The following TRPM7 variants were observed in gnomAD, a reference collection of about 807,000 sequenced individuals.
The protein encoded by TRPM7 is transient receptor potential cation channel subfamily M member 7.
Under a neutral mutation model 229.7 loss-of-function variants are expected in TRPM7, and 134 were observed. That is an observed-to-expected ratio of 0.58 (90% CI 0.51 to 0.67). The LOEUF is 0.67. Among genes scored for constraint, TRPM7 ranks in the 30% least tolerant of loss-of-function variants. The pLI, the probability that TRPM7 is intolerant of heterozygous loss-of-function variation, is 0.00. For missense variants in TRPM7, 1,901 were observed against 2,210.0 expected (o/e 0.86, Z 2.80); for synonymous variants, 699 against 715.2 (o/e 0.98, Z 0.36).
intron 2 of TRPM7, among the ~76,000 whole-genome samples, chr15:50,659,052 G>C (rs1326681760): frequency 6.6e-6 from 1 of 152,114 alleles, no homozygotes; most frequent in Non-Finnish European, 1.5e-5. Context: ...CAAAAAATTA[G>C]CCAGATGTGG....
intron 36 of TRPM7, among the ~76,000 whole-genome samples, chr15:50,573,986 G>A (rs540755913): frequency 6.6e-6 from 1 of 151,784 alleles, no homozygotes; most frequent in Admixed American, 6.6e-5. Flanking sequence ...GAATCCGGGA[G>A]GCGGAAGTTG....
chr15:50,617,817 G>A (rs1031812996), intron 13 of TRPM7, among the ~76,000 whole-genome samples: 8 of 151,458 alleles, frequency 5.3e-5, no homozygotes, highest in South Asian at 2.1e-4. Context: ...ACAACATGCC[G>A]GGCTAATTTT....
chr15:50,568,403 T>A (rs1057377589), intron 38 of TRPM7, among the ~76,000 whole-genome samples: 4 of 151,798 alleles, frequency 2.6e-5, no homozygotes, highest in African/African-American at 9.7e-5. Context: ...AAAAAGCTCC[T>A]AAAAAAGAGT....
rs966764866 is a variant in TRPM7 at position 50,570,223 on chromosome 15, C to T, written c.5309-68G>A. Reference sequence around the variant, plus strand: ...TAATTGACATAAATACTGACATCTGCATAATAAAAATCATCTTAAGAGATG... The same window carrying T: ...TAATTGACATAAATACTGACATCTGTATAATAAAAATCATCTTAAGAGATG... On this transcript the variant is annotated intron_variant, in intron 36 of 38. Transcript: ENST00000646667. 5 of 1,134,380 alleles carry T rather than the reference C, an allele frequency of 4.4e-6. No individual in the cohort carries two copies. In the African/African-American group the frequency reaches 7.9e-5, roughly 18 times the overall value. The allele number at this position is 1,134,380 out of a possible 1,614,324, so 70.3% of individuals were successfully genotyped here.
chr15:50,640,165 A>AAC lies in TRPM7; in HGVS notation c.536-619_536-618dup, dbSNP rs201043701. ...ATCGGTGGCACAGGACCATACGCAA[A>AAC]ACACACACACACACAATAAACAATG... On this transcript the variant is annotated intron_variant, in intron 5 of 38. Transcript: ENST00000646667. Among the ~76,000 whole-genome samples, 226 of 151,990 alleles carry AAC rather than the reference A, an allele frequency of 1.5e-3. 4 individuals are homozygous for AAC. In the South Asian group the frequency reaches 0.022, roughly 15 times the overall value.
At chr15:50,645,053 C>T (rs1172855261) in intron 4 of TRPM7, among the ~76,000 whole-genome samples, 1 of 151,922 alleles carries the variant, frequency 6.6e-6, no homozygotes, top group Non-Finnish European at 1.5e-5. Context: ...AGACACAGGG[C>T]ACCCTGCGTA....
intron 1 of TRPM7, among the ~76,000 whole-genome samples, chr15:50,674,640 T>C (rs1596347238): frequency 6.6e-6 from 1 of 152,222 alleles, no homozygotes; most frequent in Admixed American, 6.5e-5. Context: ...AGTTTCATAC[T>C]TTTCATATTC....
In TRPM7 at chr15:50,656,524, CAG is replaced by C. The variant is rs1406400381; in HGVS notation, c.122+1255_122+1256del. Among the ~76,000 whole-genome samples the C allele has an allele frequency of 6.8e-5, 10 of 146,276 alleles. No individual in the cohort carries two copies. The East Asian group carries it at 2.0e-3, about 29-fold the overall frequency. On this transcript the variant is annotated intron_variant, in intron 3 of 38. Transcript: ENST00000646667. ...CTTTTTTTTTTTTTTTTGGTAGACA[CAG>C]GGTCTCACTATGCTACCCGGGCTGG...
In TRPM7 at chr15:50,646,010, G is replaced by A. The variant is rs376424018; in HGVS notation, c.322-2457C>T. Among the ~76,000 whole-genome samples, 71 of 151,778 alleles carry A rather than the reference G, an allele frequency of 4.7e-4. 1 individual carries two copies. The South Asian group carries it at 0.014, about 30-fold the overall frequency. On this transcript the variant is annotated intron_variant, in intron 4 of 38. Transcript: ENST00000646667. ...ACCCTGTCTGTAATCCCAGCTACTC[G>A]GGAGGCTGAAGCAGGAGAATCGCTT...
chr15:50,565,747 C>T (rs1309674888), intron 38 of TRPM7, among the ~76,000 whole-genome samples: 1 of 152,084 alleles, frequency 6.6e-6, no homozygotes, highest in African/African-American at 2.4e-5. Context: ...TTAATATTTA[C>T]AGAATACTCC....
At chr15:50,597,049 G>A (rs2059652282) in intron 22 of TRPM7, among the ~76,000 whole-genome samples, 1 of 152,164 alleles carries the variant, frequency 6.6e-6, no homozygotes, top group Non-Finnish European at 1.5e-5. Flanking sequence ...TTAAGAGTAT[G>A]GTTGACTCAT....
At chr15:50,617,719 G>A (rs1278116621) in intron 13 of TRPM7, among the ~76,000 whole-genome samples, 1 of 152,052 alleles carries the variant, frequency 6.6e-6, no homozygotes, top group Non-Finnish European at 1.5e-5. Flanking sequence ...CTCGATGACA[G>A]CTCACTGCAG....
intron 1 of TRPM7, among the ~76,000 whole-genome samples, chr15:50,664,308 C>CAA (rs36108092): frequency 0.22 from 12,879 of 58,572 alleles, 973 homozygotes; most frequent in Middle Eastern, 0.27. Context: ...GACTCCGTCT[C>CAA]AAAAAAAAAA....
At chr15:50,681,264 T>TACACACACACACACACACAC (rs72070923) in intron 1 of TRPM7, among the ~76,000 whole-genome samples, 1,818 of 146,954 alleles carry the variant, frequency 0.012, 25 homozygotes, top group Middle Eastern at 0.042. Context: ...AATAAATAAA[T>TACACACACACACACACACAC]ACACACACAC....
intron 3 of TRPM7, among the ~76,000 whole-genome samples, chr15:50,657,027 ACAAAAAATAAAATCAG>A (rs1484471036): frequency 2.0e-5 from 3 of 152,136 alleles, no homozygotes; most frequent in African/African-American, 7.2e-5. Context: ...AACTGCTCTT[ACAAAAAATAAAATCAG>A]CCGGGCCTGG....
At chr15:50,589,431 T>A (rs2059428343) in intron 27 of TRPM7, among the ~76,000 whole-genome samples, 161 bp downstream of exon 27, 1 of 152,218 alleles carries the variant, frequency 6.6e-6, no homozygotes, top group Non-Finnish European at 1.5e-5. Context: ...AATTGTTCAT[T>A]TTTTCAAACT....
chr15:50,600,086 T>C (rs553590051), intron 21 of TRPM7, among the ~76,000 whole-genome samples: 11 of 152,302 alleles, frequency 7.2e-5, no homozygotes, highest in African/African-American at 2.4e-4. Context: ...TCTACTTATT[T>C]AGGTATATAA....
At chr15:50,623,583 T>G (rs2060479609) in intron 12 of TRPM7, among the ~76,000 whole-genome samples, 1 of 148,382 alleles carries the variant, frequency 6.7e-6, no homozygotes, top group Non-Finnish European at 1.5e-5. Context: ...AAAATCAAGT[T>G]AAGGATTTGG....
At chr15:50,640,642 T>C (rs1384518755) in intron 5 of TRPM7, among the ~76,000 whole-genome samples, 3 of 152,170 alleles carry the variant, frequency 2.0e-5, no homozygotes, top group Non-Finnish European at 2.9e-5. Context: ...CCATAAAATA[T>C]GACTGCAGTT....
Sources: gnomAD v4.1 joint callset for allele counts (sites outside exome capture counted in the v4.1 genomes callset) on GRCh38, gnomAD v4.1.1 for gene constraint, MANE v1.5 for transcripts, NCBI Gene and HGNC (gene_info 2026-07-23, HGNC 2026-07-21) for gene names.